ZNF804A: variants seen among roughly 807,000 people sequenced by gnomAD.
ZNF804A encodes zinc finger protein 804A.
ZNF804A carries 2 observed loss-of-function variants against 16.5 expected under a neutral mutation model. That is an observed-to-expected ratio of 0.12 (90% CI 0.05 to 0.38). The LOEUF is 0.38. Ranked by LOEUF, ZNF804A falls within the 10% of genes least tolerant of loss-of-function variation. The probability of loss-of-function intolerance (pLI) is 0.99; values close to 1 mark genes in which losing one functional copy is unlikely to be tolerated. For missense variants in ZNF804A, 1,473 were observed against 1,390.7 expected (o/e 1.06, Z -0.94); for synonymous variants, 534 against 489.6 (o/e 1.09, Z -1.20).
At chr2:184,895,416 T>C (rs1336608975) in intron 2 of ZNF804A, among the ~76,000 whole-genome samples, 2 of 152,196 alleles carry the variant, frequency 1.3e-5, no homozygotes, top group African/African-American at 2.4e-5. Flanking sequence ...AGTCAGCTCA[T>C]GCTCTCTGAT....
chr2:184,602,454 C>A (rs1239240175), intron 1 of ZNF804A, among the ~76,000 whole-genome samples: 1 of 151,820 alleles, frequency 6.6e-6, no homozygotes, highest in African/African-American at 2.4e-5. Context: ...TAATCTCATT[C>A]TTTTTATTTA....
At chr2:184,651,276 G>A (rs924604538) in intron 1 of ZNF804A, among the ~76,000 whole-genome samples, 10 of 151,930 alleles carry the variant, frequency 6.6e-5, no homozygotes, top group African/African-American at 1.2e-4. Flanking sequence ...ACCTTTCACC[G>A]TACACAAAAT....
At position 184,631,242 on chromosome 2, in the gene ZNF804A, C is replaced by T. The variant is rs1691604492; in HGVS notation, c.111+32172C>T. ...AATTTTACCATATACGTAAGCAAAGCATAGATAGGAAATCTGCAACTCCTT... is the reference window on the plus strand; with the variant it reads ...AATTTTACCATATACGTAAGCAAAGTATAGATAGGAAATCTGCAACTCCTT... On this transcript the variant is annotated intron_variant, in intron 1 of 3. Coordinates refer to ENST00000302277, the MANE Select transcript of ZNF804A (RefSeq NM_194250.2). 2.6e-5 allele frequency among the ~76,000 whole-genome samples: 4 copies of T among 152,104 alleles called. No homozygotes were observed. In the South Asian group the frequency reaches 8.3e-4, roughly 31 times the overall value.
intron 1 of ZNF804A, among the ~76,000 whole-genome samples, chr2:184,754,795 C>T (rs1178877399): frequency 2.0e-5 from 3 of 151,286 alleles, no homozygotes; most frequent in Admixed American, 6.6e-5. Flanking sequence ...GTCTTATTTC[C>T]TTTAGTGTAA....
At chr2:184,647,598 A>C (rs1019394044) in intron 1 of ZNF804A, among the ~76,000 whole-genome samples, 1 of 152,228 alleles carries the variant, frequency 6.6e-6, no homozygotes, top group Non-Finnish European at 1.5e-5. Context: ...TTAAAATAAA[A>C]TATAAAGATT....
intron 1 of ZNF804A, among the ~76,000 whole-genome samples, chr2:184,688,607 C>T (rs1180176718): frequency 1.3e-5 from 2 of 151,988 alleles, no homozygotes; most frequent in Non-Finnish European, 2.9e-5. Context: ...TTACATGTCT[C>T]TCAATATACA....
chr2:184,836,883 C>A (rs1005600314), intron 1 of ZNF804A, among the ~76,000 whole-genome samples: 2 of 151,730 alleles, frequency 1.3e-5, no homozygotes, highest in African/African-American at 4.8e-5. Context: ...TTATCTCTTA[C>A]ATACCCTGCA....
chr2:184,801,961 T>A (rs1333914867), intron 1 of ZNF804A, among the ~76,000 whole-genome samples: 1 of 152,178 alleles, frequency 6.6e-6, no homozygotes, highest in Admixed American at 6.5e-5. Flanking sequence ...TGTTTAACAT[T>A]GCTGTAGCTG....
intron 1 of ZNF804A, among the ~76,000 whole-genome samples, chr2:184,768,157 A>G (rs894963319): frequency 5.3e-5 from 8 of 152,062 alleles, no homozygotes; most frequent in African/African-American, 1.7e-4. Context: ...ATACAGGAAA[A>G]CAACTATTTG....
At chr2:184,678,467 A>G (rs1446852443) in intron 1 of ZNF804A, among the ~76,000 whole-genome samples, 1 of 152,108 alleles carries the variant, frequency 6.6e-6, no homozygotes, top group Non-Finnish European at 1.5e-5. Context: ...TCTGCTGAAA[A>G]GTCACCGTAG....
At position 184,937,396 on chromosome 2, in the gene ZNF804A, T is replaced by C; in HGVS notation, c.2000T>C (p.Leu667Ser). The change falls in exon 4 of 4, where the codon TTA (leucine) becomes TCA (serine). Residue 667 changes from leucine to serine, a missense_variant. Coordinates refer to ENST00000302277, the MANE Select transcript of ZNF804A (RefSeq NM_194250.2). ...AGGCCCAAATCAGAATCCATATCCT[T>C]AAGTGACAATGAAGAAATGTGTAAA... is the stretch of plus-strand genomic sequence containing the variant. ...DKRPKSESIS[L>S]SDNEEMCKTW... is the part of the protein sequence containing the mutation. The C allele has an allele frequency of 6.2e-7, 1 of 1,613,208 alleles. No individual in the cohort carries two copies. The highest frequency in any genetic ancestry group is 8.5e-7 in the Non-Finnish European group (1 of 1,179,704).
chr2:184,629,050 T>A (rs1399025552), intron 1 of ZNF804A, among the ~76,000 whole-genome samples: 1 of 152,168 alleles, frequency 6.6e-6, no homozygotes, highest in African/African-American at 2.4e-5. Flanking sequence ...TTCCCTAATT[T>A]GTGAAAAGTG....
In ZNF804A at chr2:184,936,469, A is replaced by G; in HGVS notation, c.1073A>G (p.Asn358Ser). 3 of 1,613,986 alleles carry G rather than the reference A, an allele frequency of 1.9e-6. No homozygotes were observed. The highest frequency in any genetic ancestry group is 2.5e-6 in the Non-Finnish European group (3 of 1,179,958). The part of the protein sequence containing the change: ...VSGNSFELLG[N>S]KSTVLDMSND... ...GGTAACAGTTTTGAGTTGTTAGGAA[A>G]TAAATCCACAGTTCTTGACATGTCT... Residue 358 changes from asparagine to serine, a missense_variant, in exon 4 of 4, where the codon AAT (asparagine) becomes AGT (serine). Coordinates refer to ENST00000302277, the MANE Select transcript of ZNF804A (RefSeq NM_194250.2).
Position 184,610,966 on chromosome 2 carries a change from G to A in ZNF804A, c.111+11896G>A, listed in dbSNP as rs770577618. Among the ~76,000 whole-genome samples, 38 of 152,176 alleles carry A rather than the reference G, an allele frequency of 2.5e-4. 1 individual carries two copies. Among genetic ancestry groups the A allele is most frequent in the South Asian group, 6.2e-4 (3 of 4,828 alleles). ...GTCAACATTTCCTTTTTTTCTCAGT[G>A]TCTTAGCCTGTTTGAGCTGTTATAA... On this transcript the variant is annotated intron_variant, in intron 1 of 3. Transcript: ENST00000302277.
At chr2:184,884,870 G>A (rs1021186453) in intron 2 of ZNF804A, among the ~76,000 whole-genome samples, 4 of 152,126 alleles carry the variant, frequency 2.6e-5, no homozygotes, top group African/African-American at 7.2e-5. Context: ...AAATGAAAGA[G>A]CTTTGTACAG....
chr2:184,748,366 C>T (rs1409154596), intron 1 of ZNF804A, among the ~76,000 whole-genome samples: 1 of 150,680 alleles, frequency 6.6e-6, no homozygotes, highest in African/African-American at 2.4e-5. Flanking sequence ...ATTTGCATTT[C>T]TCTGATGATT....
intron 1 of ZNF804A, among the ~76,000 whole-genome samples, chr2:184,777,312 C>T (rs1694303925): frequency 6.6e-6 from 1 of 151,598 alleles, no homozygotes; most frequent in South Asian, 2.1e-4. Context: ...GCATACTTAC[C>T]CTTCAGTGTC....
intron 1 of ZNF804A, among the ~76,000 whole-genome samples, chr2:184,750,979 G>C (rs1035048543): frequency 1.3e-5 from 2 of 151,364 alleles, no homozygotes; most frequent in African/African-American, 4.8e-5. Context: ...ATGGTCTACT[G>C]TTCACCCTGT....
At chr2:184,849,793 T>C (rs1374429594) in intron 1 of ZNF804A, among the ~76,000 whole-genome samples, 1 of 151,962 alleles carries the variant, frequency 6.6e-6, no homozygotes, top group African/African-American at 2.4e-5. Flanking sequence ...CTATTCACAA[T>C]AGCAAAGGTT....
Sources: gnomAD v4.1 joint callset for allele counts (sites outside exome capture counted in the v4.1 genomes callset) on GRCh38, gnomAD v4.1.1 for gene constraint, MANE v1.5 for transcripts, NCBI Gene and HGNC (gene_info 2026-07-23, HGNC 2026-07-21) for gene names.